Variants in ROBO2 observed in about 807,000 individuals in gnomAD.
The protein encoded by ROBO2 is roundabout guidance receptor 2.
A neutral mutation model predicts 160.8 loss-of-function variants in ROBO2; 53 were observed. That is an observed-to-expected ratio of 0.33 (90% CI 0.26 to 0.41). ROBO2 has a LOEUF of 0.41. ROBO2 is among the 10% of genes least tolerant of loss of function. ROBO2 has a pLI of 1.00. For missense variants in ROBO2, 1,577 were observed against 1,722.4 expected (o/e 0.92, Z 1.49); for synonymous variants, 664 against 611.7 (o/e 1.09, Z -1.26).
chr3:77,080,385 G>A (rs1317909315), intron 1 of ROBO2, among the ~76,000 whole-genome samples: 1 of 152,084 alleles, frequency 6.6e-6, no homozygotes, highest in African/African-American at 2.4e-5. Flanking sequence ...ATACAAATTG[G>A]ATTAAAAGAA....
At chr3:77,193,274 T>TA (rs2082026435) in intron 2 of ROBO2, among the ~76,000 whole-genome samples, 6 of 135,682 alleles carry the variant, frequency 4.4e-5, no homozygotes, top group East Asian at 2.1e-4. Context: ...AACAGATAAT[T>TA]CAAAAAAAAA....
intron 2 of ROBO2, among the ~76,000 whole-genome samples, chr3:76,876,147 A>G (rs17818793): frequency 0.17 from 25,361 of 152,152 alleles, 2,340 homozygotes; most frequent in South Asian, 0.25. Flanking sequence ...CACTATACCT[A>G]CTATTGAACC....
At chr3:77,066,400 T>C (rs931079465) in intron 1 of ROBO2, among the ~76,000 whole-genome samples, 1 of 152,146 alleles carries the variant, frequency 6.6e-6, no homozygotes, top group Non-Finnish European at 1.5e-5. Flanking sequence ...TTAACTGCAG[T>C]TGGAAAAAAA....
intron 2 of ROBO2, among the ~76,000 whole-genome samples, chr3:75,970,345 A>T (rs1388265070): frequency 6.6e-6 from 1 of 151,568 alleles, no homozygotes; most frequent in Non-Finnish European, 1.5e-5. Context: ...TTTGAAGCAC[A>T]GGGTAATTCT....
At chr3:77,383,558 G>T (rs535519859) in intron 2 of ROBO2, among the ~76,000 whole-genome samples, 1 of 152,144 alleles carries the variant, frequency 6.6e-6, no homozygotes, top group African/African-American at 2.4e-5. Flanking sequence ...AAGTTTAGTT[G>T]AAATTTTAAC....
At chr3:77,337,011 G>A (rs1397961473) in intron 2 of ROBO2, among the ~76,000 whole-genome samples, 2 of 152,140 alleles carry the variant, frequency 1.3e-5, no homozygotes, top group Non-Finnish European at 2.9e-5. Flanking sequence ...ACGAGTTCTA[G>A]AATAAGGGAA....
At chr3:76,635,458 T>C (rs536080189) in intron 2 of ROBO2, among the ~76,000 whole-genome samples, 1 of 152,330 alleles carries the variant, frequency 6.6e-6, no homozygotes, top group East Asian at 1.9e-4. Flanking sequence ...AATGCCTATG[T>C]CATAGGAATG....
intron 1 of ROBO2, among the ~76,000 whole-genome samples, chr3:77,047,164 A>AT (rs1422755266): frequency 6.6e-6 from 1 of 152,180 alleles, no homozygotes; most frequent in Non-Finnish European, 1.5e-5. Flanking sequence ...AAGATGACAA[A>AT]GGGGTGCTAA....
intron 2 of ROBO2, among the ~76,000 whole-genome samples, chr3:76,734,624 A>G (rs2093682030): frequency 6.6e-6 from 1 of 152,150 alleles, no homozygotes; most frequent in Non-Finnish European, 1.5e-5. Flanking sequence ...GGTCTAGTTC[A>G]CAGTGCCCCA....
rs189906608 is a variant in ROBO2, at chr3:76,323,851, T to A, written c.109+386249T>A. Reference sequence around the variant, plus strand: ...TTGTTGCCAGTCAATCTAAAATGGATACCAAAGTGCTTTTCACTCTACATT... The same window carrying A: ...TTGTTGCCAGTCAATCTAAAATGGAAACCAAAGTGCTTTTCACTCTACATT... On this transcript the variant is annotated intron_variant, in intron 2 of 26. Coordinates refer to the ROBO2 transcript ENST00000487694. 2.0e-3 allele frequency among the ~76,000 whole-genome samples: 300 copies of A among 152,314 alleles called. 1 individual carries two copies. Among genetic ancestry groups the A allele is most frequent in the South Asian group, 8.5e-3 (41 of 4,832 alleles).
chr3:76,598,299 T>TTTTG (rs1346148175), intron 2 of ROBO2, among the ~76,000 whole-genome samples: 10 of 152,084 alleles, frequency 6.6e-5, no homozygotes, highest in African/African-American at 2.4e-4. Flanking sequence ...AAGTGGTTTT[T>TTTTG]TTTGTTTGTT....
intron 11 of ROBO2, among the ~76,000 whole-genome samples, chr3:77,563,888 T>G (rs142259049): frequency 3.8e-4 from 58 of 152,296 alleles, no homozygotes; most frequent in African/African-American, 1.4e-3. Flanking sequence ...CCACGTGTTA[T>G]CTGAAATAAT....
chr3:76,302,720 A>G (rs1220670056), intron 2 of ROBO2, among the ~76,000 whole-genome samples: 1 of 152,156 alleles, frequency 6.6e-6, no homozygotes, highest in Non-Finnish European at 1.5e-5. Flanking sequence ...GCTGTGTCAT[A>G]TAACCTAGGT....
chr3:77,272,359 G>T (rs1231808316), intron 2 of ROBO2, among the ~76,000 whole-genome samples: 1 of 152,050 alleles, frequency 6.6e-6, no homozygotes, highest in East Asian at 1.9e-4. Context: ...AGTCGTGGCA[G>T]AAGGTGAAGG....
Position 76,170,892 on chromosome 3 carries a change from A to C in ROBO2, c.109+233290A>C, listed in dbSNP as rs573334924. 1.5e-3 allele frequency among the ~76,000 whole-genome samples: 230 copies of C among 152,318 alleles called. 2 individuals carry two copies. Among genetic ancestry groups the C allele is most frequent in the African/African-American group, 5.4e-3 (223 of 41,584 alleles). ...AACAATTAGTATGTGGCTATTCTAA[A>C]ATTAAATGTTCTACACTAATACAGT... On this transcript the variant is annotated intron_variant, in intron 2 of 26. Coordinates refer to the ROBO2 transcript ENST00000487694.
intron 2 of ROBO2, among the ~76,000 whole-genome samples, chr3:76,604,399 T>G (rs2087475766): frequency 6.6e-6 from 1 of 152,164 alleles, no homozygotes; most frequent in African/African-American, 2.4e-5. Context: ...AGTGGTGATC[T>G]TATGTGTGAA....
intron 2 of ROBO2, among the ~76,000 whole-genome samples, chr3:76,217,111 A>G (rs542927850): frequency 2.0e-5 from 3 of 152,330 alleles, no homozygotes; most frequent in African/African-American, 7.2e-5. Flanking sequence ...TTTGAAACCA[A>G]CGAGAACAAA....
intron 2 of ROBO2, among the ~76,000 whole-genome samples, chr3:76,402,734 CT>C (rs939214887): frequency 6.6e-6 from 1 of 151,458 alleles, no homozygotes; most frequent in African/African-American, 2.4e-5. Context: ...CTTGGTACCT[CT>C]TTTTCAACTA....
intron 1 of ROBO2, among the ~76,000 whole-genome samples, chr3:77,063,885 T>G (rs914933684): frequency 1.3e-5 from 2 of 152,204 alleles, no homozygotes; most frequent in African/African-American, 4.8e-5. Flanking sequence ...ATATACAATT[T>G]ATGTGTTCAA....
Sources: gnomAD v4.1 joint callset for allele counts (sites outside exome capture counted in the v4.1 genomes callset) on GRCh38, gnomAD v4.1.1 for gene constraint, MANE v1.5 for transcripts, NCBI Gene and HGNC (gene_info 2026-07-23, HGNC 2026-07-21) for gene names.